The following LIMS2 variants were observed in gnomAD, a reference collection of about 807,000 sequenced individuals.
LIMS2 encodes the protein LIM zinc finger domain containing 2, also known as LIM and senescent cell antigen-like-containing domain protein 2.
A neutral mutation model predicts 45.3 loss-of-function variants in LIMS2; 30 were observed. The ratio of observed to expected loss-of-function variants is 0.66; its 90% CI spans 0.50 to 0.90. LIMS2 has a LOEUF of 0.90. Ranked by LOEUF, LIMS2 falls within the 40% of genes least tolerant of loss-of-function variation. The pLI is 0.00. For synonymous variants in LIMS2, 173 were observed against 188.0 expected (o/e 0.92, Z 0.65); for missense variants, 485 against 468.7 (o/e 1.03, Z -0.32).
chr2:127,663,798 C>G (rs1487061020), intron 1 of LIMS2, among the ~76,000 whole-genome samples: 2 of 152,186 alleles, frequency 1.3e-5, no homozygotes, highest in Non-Finnish European at 2.9e-5. Context: ...CCCCTGACCC[C>G]AAGAGTGAGG....
chr2:127,669,232 A>G (rs192953571), intron 1 of LIMS2, among the ~76,000 whole-genome samples: 2 of 152,228 alleles, frequency 1.3e-5, no homozygotes, highest in African/African-American at 2.4e-5. Flanking sequence ...ACAGTATAAA[A>G]CTCCTAGAAG....
At chr2:127,648,478 C>G (rs1339410289) in intron 4 of LIMS2, among the ~76,000 whole-genome samples, 1 of 152,168 alleles carries the variant, frequency 6.6e-6, no homozygotes, top group African/African-American at 2.4e-5. Flanking sequence ...AGGGCCACCA[C>G]CATGCCTGCT....
intron 1 of LIMS2, chr2:127,674,793 C>T: frequency 1.0e-6 from 1 of 985,408 alleles, no homozygotes; most frequent in South Asian, 4.7e-5. Context: ...TGGGCAGGAG[C>T]TCCACCTTCC....
upstream of LIMS2, among the ~76,000 whole-genome samples, chr2:127,679,480 A>G (rs1685569263): frequency 6.6e-6 from 1 of 152,088 alleles, no homozygotes; most frequent in Admixed American, 6.5e-5. This position sits in a 1 kb window ranked among gnomAD's most constrained non-coding sequence, Gnocchi z 5.3. Context: ...GCTGGGCCAC[A>G]GAGTGACATG....
intron 1 of LIMS2, among the ~76,000 whole-genome samples, chr2:127,658,259 T>C (rs1048739309): frequency 6.6e-6 from 1 of 151,866 alleles, no homozygotes; most frequent in Admixed American, 6.6e-5. Context: ...ATTAGCCAGG[T>C]GTGGTGGTGC....
At chr2:127,649,780 A>G (rs1041013137) in intron 4 of LIMS2, among the ~76,000 whole-genome samples, 1 of 152,230 alleles carries the variant, frequency 6.6e-6, no homozygotes, top group African/African-American at 2.4e-5. Context: ...AGGGCTCTGC[A>G]CTTGGCCTTC....
rs924276736 is a variant in LIMS2 at position 127,664,331 on chromosome 2, G to C, written c.12-6769C>G. The stretch of plus-strand genomic sequence containing the variant: ...CCCGTGGCTGGCGGCGGGCTCTGCC[G>C]GTGCTGGCGCCGCCGGTACAGCCCC... On this transcript the variant is annotated intron_variant, in intron 1 of 9. Transcript: ENST00000355119. This position sits in a 1 kb window ranked among gnomAD's most constrained non-coding sequence, Gnocchi z 5.5. The C allele has an allele frequency of 1.6e-4, 198 of 1,230,198 alleles. No individual in the cohort carries two copies. Among genetic ancestry groups the C allele is most frequent in the Non-Finnish European group, 1.9e-4 (192 of 987,510 alleles). 76.2% of individuals were successfully genotyped at this position (1,230,198 alleles called of 1,614,324 possible).
chr2:127,663,092 C>T (rs989983349), intron 1 of LIMS2, among the ~76,000 whole-genome samples: 2 of 152,078 alleles, frequency 1.3e-5, no homozygotes, highest in African/African-American at 2.4e-5. Context: ...CTGTCATCAT[C>T]GTGCCTGTCC....
rs886273548 is a variant in LIMS2, at chr2:127,672,088, G to A, written c.11+2926C>T. ...CGACAGCCTCACATGTGACACACAT[G>A]ACGGTCACACCATGGGTGGGACTCC... On this transcript the variant is annotated intron_variant, in intron 1 of 9. Transcript: ENST00000355119. This position sits in a 1 kb window ranked among gnomAD's most constrained non-coding sequence, Gnocchi z 4.9. Among the ~76,000 whole-genome samples the A allele has an allele frequency of 1.3e-5, 2 of 152,208 alleles. No individual in the cohort carries two copies. The highest frequency in any genetic ancestry group is 4.8e-5 in the African/African-American group (2 of 41,452).
In LIMS2 at chr2:127,657,972, G is replaced by A. The variant is rs549659486; in HGVS notation, c.12-410C>T. On this transcript the variant is annotated intron_variant, in intron 1 of 9. Transcript: ENST00000355119. ...CTTGCCCAAGCTCACACAGCAGAGC[G>A]GGGTCCACACTTGAATCCAGACTGC... Among the ~76,000 whole-genome samples the A allele has an allele frequency of 4.6e-5, 7 of 152,330 alleles. No homozygotes were observed. In the South Asian group the frequency reaches 6.2e-4, roughly 14 times the overall value.
chr2:127,675,606 AGCCCCGCCGGGAC>A (rs2105351093), upstream of LIMS2, among the ~76,000 whole-genome samples: 2 of 152,120 alleles, frequency 1.3e-5, no homozygotes, highest in East Asian at 1.9e-4. Context: ...CCACCCCCAC[AGCCCCGCCGGGAC>A]GCCCCGCCCG....
rs557366478 is a variant in LIMS2 at position 127,640,158 on chromosome 2, C to T, written c.803-13G>A. 2.0e-5 allele frequency: 33 copies of T among 1,613,220 alleles called. No homozygotes were observed. In the South Asian group the frequency reaches 2.4e-4, roughly 12 times the overall value. On this transcript the variant is annotated splice_polypyrimidine_tract_variant and intron_variant, in intron 8 of 9. Transcript: ENST00000355119. ...AGGGCCGACACCACTGTGAGGGAAG[C>T]GTGGGACTCAGCAGGCCTGGCTAGG... is the stretch of plus-strand genomic sequence containing the variant.
chr2:127,680,066 C>T (rs1296498266), upstream of LIMS2, among the ~76,000 whole-genome samples: 1 of 152,200 alleles, frequency 6.6e-6, no homozygotes, highest in African/African-American at 2.4e-5. Flanking sequence ...AGAGACCTGC[C>T]GAATATCAAC....
At chr2:127,674,086 G>A in intron 1 of LIMS2, 1 of 312,502 alleles carries the variant, frequency 3.2e-6, no homozygotes, top group Non-Finnish European at 6.3e-6. Flanking sequence ...CACAGAGGCA[G>A]CTCCCCTGTG....
intron 4 of LIMS2, 120 bp downstream of exon 4, chr2:127,654,304 C>T (rs1684084441): frequency 4.4e-6 from 6 of 1,353,310 alleles, no homozygotes; most frequent in Non-Finnish European, 6.2e-6. Flanking sequence ...TACATCAGTG[C>T]AGGCTGCAGC....
At chr2:127,651,664 A>T in intron 4 of LIMS2, 1 of 1,613,384 alleles carries the variant, frequency 6.2e-7, no homozygotes, top group Non-Finnish European at 8.5e-7. Context: ...GCCCTGTGCA[A>T]CTTGCTCTGT....
In LIMS2 at chr2:127,647,935, T is replaced by G; in HGVS notation, c.360-4863A>C. 4 of 799,252 alleles carry G rather than the reference T, an allele frequency of 5.0e-6. No homozygotes were observed. The highest frequency in any genetic ancestry group is 6.1e-6 in the Non-Finnish European group (4 of 659,590). The allele number at this position is 799,252 out of a possible 1,614,324, so 49.5% of individuals were successfully genotyped here. A position where few individuals can be genotyped will look rare whatever the true frequency, so the allele number is the denominator to read the frequency against. ...CTCACAGGCCCTGTCAAGGGCTGTGTTCCTCCCTCCTTTTACCTCTCCTCC... is the reference window on the plus strand; with the variant it reads ...CTCACAGGCCCTGTCAAGGGCTGTGGTCCTCCCTCCTTTTACCTCTCCTCC... On this transcript the variant is annotated intron_variant, in intron 4 of 9. Coordinates refer to ENST00000355119, the MANE Select transcript of LIMS2 (RefSeq NM_001161403.3). This position sits in a 1 kb window ranked among gnomAD's most constrained non-coding sequence, Gnocchi z 4.3.
intron 8 of LIMS2, 56 bp downstream of exon 8, chr2:127,640,214 C>T (rs1682268898): frequency 1.9e-6 from 3 of 1,612,462 alleles, no homozygotes; most frequent in East Asian, 2.2e-5. Flanking sequence ...CTCACAGCTG[C>T]AGCACCCAGG....
At chr2:127,677,758 T>C (rs10211103), upstream of LIMS2, among the ~76,000 whole-genome samples, 42,484 of 152,020 alleles carry the variant, frequency 0.28, 6,870 homozygotes, top group South Asian at 0.46. The surrounding 1 kb of genome is among the most constrained non-coding windows in gnomAD (Gnocchi z 5.0). Flanking sequence ...ACTGACTGAA[T>C]GAAAAAAGAG....
Sources: allele counts gnomAD v4.1 joint callset (sites outside exome capture counted in the v4.1 genomes callset), GRCh38; gene constraint gnomAD v4.1.1; non-coding constraint Gnocchi (gnomAD v3.1); transcripts MANE v1.5; gene names NCBI Gene and HGNC (gene_info 2026-07-23, HGNC 2026-07-21).